The following MXRA8 variants were observed in gnomAD, a reference collection of about 807,000 sequenced individuals.
MXRA8 encodes the protein matrix remodeling-associated protein 8.
In MXRA8, 44 loss-of-function variants were observed where a neutral mutation model predicts 51.4. That is an observed-to-expected ratio of 0.86 (90% confidence interval 0.67 to 1.10). MXRA8 has a LOEUF of 1.10. Among genes scored for constraint, MXRA8 ranks in the 50% least tolerant of loss-of-function variants. MXRA8 has a pLI of 0.00. For synonymous variants in MXRA8, 369 were observed against 293.5 expected, an observed-to-expected ratio of 1.26 and a Z score of -2.63; for missense variants, 765 against 638.9, an observed-to-expected ratio of 1.20 and a Z score of -2.13.
In MXRA8 at chr1:1,354,384, C is replaced by G; in HGVS notation, c.1075G>C (p.Val359Leu). ...CGGCGCCTGCGGGCGGCCAGGAGGA[C>G]AGTGACCAGTAGCAGGATGAAGAGC... is the stretch of plus-strand genomic sequence containing the variant. The part of the protein sequence containing the change: ...LLLFILLLVT[V>L]LLAARRRRGG... The change falls in exon 6 of 10, where the codon GTC becomes CTC. Residue 359 changes from valine (V) to leucine (L), a missense_variant. Val to Leu is a conservative substitution (Grantham distance 32). Transcript: ENST00000309212. 6.2e-7 allele frequency: 1 copy of G among 1,612,196 alleles called. No homozygotes were observed. Among genetic ancestry groups the G allele is most frequent in the Non-Finnish European group, 8.5e-7 (1 of 1,179,774 alleles).
At chr1:1,361,335 T>C, upstream of MXRA8, 2 of 702,790 alleles carry the variant, frequency 2.8e-6, no homozygotes, top group South Asian at 3.0e-5. Flanking sequence ...CCAGGCTTGC[T>C]GGGCACTGGG....
At position 1,355,647 on chromosome 1, in the gene MXRA8, A is replaced by G. The variant is rs921944303; in HGVS notation, c.179T>C (p.Val60Ala). 7.0e-6 allele frequency: 10 copies of G among 1,438,178 alleles called. No homozygotes were observed. Among genetic ancestry groups the G allele is most frequent in the Non-Finnish European group, 9.1e-6 (10 of 1,099,972 alleles). 89.1% of individuals were successfully genotyped at this position (1,438,178 alleles called of 1,614,324 possible). ...AVLRCQSPRM[V>A]WTQDRLHDRQ... Reference sequence around the variant, plus strand: ...GTCGTGCAGCCGGTCCTGGGTCCACACCATGCGCGGGCTCTGGCAGCGCAG... The same window carrying G: ...GTCGTGCAGCCGGTCCTGGGTCCACGCCATGCGCGGGCTCTGGCAGCGCAG... Residue 60 changes from valine to alanine, a missense_variant, in exon 3 of 10, where the codon GTG (valine) becomes GCG (alanine). Val to Ala is a moderately conservative substitution (Grantham distance 64, BLOSUM62 0). Transcript: ENST00000309212.
chr1:1,354,542 G>A, intron 5 of MXRA8, 33 bp from the exon 6 acceptor site: 1 of 1,605,392 alleles, frequency 6.2e-7, no homozygotes, highest in Non-Finnish European at 8.5e-7. Context: ...GCGGCGTCAG[G>A]TACCAGCAAG....
At chr1:1,359,800 T>C (rs1055229882), upstream of MXRA8, among the ~76,000 whole-genome samples, 2 of 152,200 alleles carry the variant, frequency 1.3e-5, no homozygotes, top group African/African-American at 4.8e-5. Context: ...GCTTCAGGGC[T>C]GAACACATCC....
chr1:1,355,796 A>T, intron 2 of MXRA8, 44 bp from the exon 3 acceptor site: 1 of 454,082 alleles, frequency 2.2e-6, no homozygotes, highest in Non-Finnish European at 2.8e-6. Context: ...TGGGCCCCCT[A>T]GGGCCCTGGT....
upstream of MXRA8, among the ~76,000 whole-genome samples, chr1:1,361,967 G>T (rs1273819265): frequency 6.6e-6 from 1 of 152,260 alleles, no homozygotes; most frequent in South Asian, 2.1e-4. Flanking sequence ...AGTTATGTAT[G>T]CTGACTAAAT....
Position 1,355,267 on chromosome 1 carries a change from A to G in MXRA8, c.455T>C (p.Val152Ala). The G allele has an allele frequency of 6.4e-7, 1 of 1,570,876 alleles. No individual in the cohort carries two copies. Among genetic ancestry groups the G allele is most frequent in the Admixed American group, 1.8e-5 (1 of 55,314 alleles). The part of the protein sequence containing the change: ...HYCHLYESLA[V>A]RLEVTDGPPA... Reference sequence around the variant, plus strand: ...ACGGCCGTCGGTGACCTCCAGGCGGACGGCCAGGCTCTCGTAGAGGTGGCA... The same window carrying G: ...ACGGCCGTCGGTGACCTCCAGGCGGGCGGCCAGGCTCTCGTAGAGGTGGCA... Residue 152 changes from valine (V) to alanine (A), a missense_variant, in exon 4 of 10, where the codon GTC (valine) becomes GCC (alanine). By Grantham distance (64) the Val-to-Ala change is moderately conservative (BLOSUM62 0). Transcript: ENST00000309212.
At chr1:1,354,602 G>A (rs1048805786) in intron 5 of MXRA8, 80 bp downstream of exon 5, 24 of 1,553,192 alleles carry the variant, frequency 1.5e-5, no homozygotes, top group South Asian at 2.4e-5. Context: ...CGCGGGCCTC[G>A]GGCAAGGGAC....
At chr1:1,356,582 G>A in intron 2 of MXRA8, 99 bp downstream of exon 2, 2 of 806,468 alleles carry the variant, frequency 2.5e-6, no homozygotes, top group Non-Finnish European at 3.5e-6. Flanking sequence ...GAATCAGTGG[G>A]GGAGGGGCAG....
In MXRA8 at chr1:1,353,475, C is replaced by G; in HGVS notation, c.*129G>C. 1 of 1,506,956 alleles carries G rather than the reference C, an allele frequency of 6.6e-7. No individual in the cohort carries two copies. The highest frequency in any genetic ancestry group is 8.9e-7 in the Non-Finnish European group (1 of 1,125,722). The allele number at this position is 1,506,956 out of a possible 1,614,324, so 93.3% of individuals were successfully genotyped here. On this transcript the variant is annotated 3_prime_UTR_variant, in exon 10 of 10. Coordinates refer to ENST00000309212, the MANE Select transcript of MXRA8 (RefSeq NM_032348.4). ...TGTGGAGGCGGCCTCTGCATACGCC[C>G]AGGCCAAATTCCAGGAAAGCGGGAC...
upstream of MXRA8, among the ~76,000 whole-genome samples, chr1:1,360,568 C>T (rs1644209022): frequency 6.6e-6 from 1 of 152,124 alleles, no homozygotes; most frequent in Non-Finnish European, 1.5e-5. Context: ...TTTTCTCCCT[C>T]TGGGAAGAGG....
At chr1:1,356,397 G>C (rs186302126) in intron 2 of MXRA8, among the ~76,000 whole-genome samples, 4 of 134,830 alleles carry the variant, frequency 3.0e-5, no homozygotes, top group Non-Finnish European at 4.9e-5. Flanking sequence ...TGGGGAAGGG[G>C]AGTCAGTGGG....
Position 1,358,535 on chromosome 1 carries a change from C to T in MXRA8, c.-31G>A. ...CCGCCCAGCCCCAGGCTTTGTCCCA[C>T]TCGGCTCTAAGTCTCTCTCCAGAAA... On this transcript the variant is annotated 5_prime_UTR_variant, in exon 1 of 10. In the 5' UTR this introduces an upstream ATG that the reference lacks. Coordinates refer to ENST00000309212, the MANE Select transcript of MXRA8 (RefSeq NM_032348.4). The T allele has an allele frequency of 1.2e-6, 2 of 1,607,270 alleles. No homozygotes were observed. The highest frequency in any genetic ancestry group is 1.7e-6 in the Non-Finnish European group (2 of 1,176,760).
chr1:1,354,241 G>A lies in MXRA8; in HGVS notation c.1106-9C>T, dbSNP rs756538313. 3.5e-5 allele frequency: 57 copies of A among 1,611,774 alleles called. No individual in the cohort carries two copies. The highest frequency in any genetic ancestry group is 4.5e-5 in the Non-Finnish European group (53 of 1,179,696). On this transcript the variant is annotated splice_polypyrimidine_tract_variant and intron_variant, in intron 6 of 9. Transcript: ENST00000309212. Reference sequence around the variant, plus strand: ...GTCCGAGTATTCGTAGCCTGGGAAGGAGACTCACATTGGGGGCAGTGCCGC... The same window carrying A: ...GTCCGAGTATTCGTAGCCTGGGAAGAAGACTCACATTGGGGGCAGTGCCGC...
intron 9 of MXRA8, 100 bp downstream of exon 9, chr1:1,353,748 G>T: frequency 6.8e-7 from 1 of 1,466,814 alleles, no homozygotes. Context: ...GGTGGCAGGG[G>T]CCCCGGGCCT....
At position 1,358,460 on chromosome 1, in the gene MXRA8, C is replaced by T. The variant is rs1182927583; in HGVS notation, c.45G>A (p.Leu15=). 6.2e-7 allele frequency: 1 copy of T among 1,612,996 alleles called. No individual in the cohort carries two copies. Among genetic ancestry groups the T allele is most frequent in the Admixed American group, 1.7e-5 (1 of 59,938 alleles). ...CTCCCAGGGCCCCACACTCACTCTGCAGAAGCACAAGTTTCCAAAGCAGGA... is the reference window on the plus strand; with the variant it reads ...CTCCCAGGGCCCCACACTCACTCTGTAGAAGCACAAGTTTCCAAAGCAGGA... ...SRILLWKLVL[L]QSSAVLLHSG... Residue 15 remains leucine (L), a synonymous_variant, in exon 1 of 10, where the codon CTG becomes CTA. Coordinates refer to ENST00000309212, the MANE Select transcript of MXRA8 (RefSeq NM_032348.4).
chr1:1,353,385 G>T lies in MXRA8; in HGVS notation c.*219C>A. The T allele has an allele frequency of 6.5e-7, 1 of 1,541,302 alleles. No homozygotes were observed. On this transcript the variant is annotated 3_prime_UTR_variant, in exon 10 of 10. Transcript: ENST00000309212. ...TTTTGGTTGTGCCAGGGGTGGGCAG[G>T]GCCACCCGTGAGCAAAGGCCGCAGG...
In MXRA8 at chr1:1,354,528, C is replaced by T. The variant is rs777538675; in HGVS notation, c.950-19G>A. ...GTGGGGTCTGCGGGGAACGCGGGGT[C>T]GGGGCGGCGTCAGGTACCAGCAAGA... On this transcript the variant is annotated intron_variant, in intron 5 of 9. Transcript: ENST00000309212. 1 of 1,608,758 alleles carries T rather than the reference C, an allele frequency of 6.2e-7. No homozygotes were observed. Among genetic ancestry groups the T allele is most frequent in the Admixed American group, 1.7e-5 (1 of 59,750 alleles).
chr1:1,359,949 G>A (rs978347825), upstream of MXRA8, among the ~76,000 whole-genome samples: 8 of 152,208 alleles, frequency 5.3e-5, no homozygotes, highest in African/African-American at 1.9e-4. Flanking sequence ...GCCCGCCCAT[G>A]TCTGTCTCCG....
Sources: gnomAD v4.1 joint callset for allele counts (sites outside exome capture counted in the v4.1 genomes callset) on GRCh38, gnomAD v4.1.1 for gene constraint, MANE v1.5 for transcripts, NCBI Gene and HGNC (gene_info 2026-07-23, HGNC 2026-07-21) for gene names.